SNTB1: variants seen among roughly 807,000 people sequenced by gnomAD.
SNTB1 encodes syntrophin beta 1, also known as beta-1-syntrophin.
Under a neutral mutation model 48.9 loss-of-function variants are expected in SNTB1, and 36 were observed. The observed-to-expected ratio is 0.74, with a 90% CI of 0.56 to 0.97. The LOEUF is 0.97. Ranked by LOEUF, SNTB1 falls within the 50% of genes least tolerant of loss-of-function variation. The probability of loss-of-function intolerance (pLI) is 0.00; values close to 1 mark genes in which losing one functional copy is unlikely to be tolerated. For synonymous variants in SNTB1, 299 were observed against 294.6 expected, an observed-to-expected ratio of 1.01 and a Z score of -0.15; for missense variants, 786 against 703.4, an observed-to-expected ratio of 1.12 and a Z score of -1.33.
chr8:120,772,250 CT>C lies in SNTB1; in HGVS notation c.571+39022del, dbSNP rs1288097097. 2.9e-3 allele frequency among the ~76,000 whole-genome samples: 408 copies of C among 141,222 alleles called. 2 individuals carry two copies. The highest frequency in any genetic ancestry group is 5.2e-3 in the South Asian group (23 of 4,388). 92.6% of individuals were successfully genotyped at this position (141,222 alleles called of 152,430 possible). ...GGTTAGGGTCACACAATTTTTTCTT[CT>C]TTTTTTTTTTTTGAGACAGAGTCTC... On this transcript the variant is annotated intron_variant, in intron 1 of 6. Coordinates refer to ENST00000517992, the MANE Select transcript of SNTB1 (RefSeq NM_021021.4).
At position 120,632,524 on chromosome 8, in the gene SNTB1, C is replaced by G; in HGVS notation, c.916G>C (p.Ala306Pro). 6.2e-7 allele frequency: 1 copy of G among 1,614,158 alleles called. No homozygotes were observed. Residue 306 changes from alanine to proline, a missense_variant, in exon 3 of 7, where the codon GCT (alanine) becomes CCT (proline). By Grantham distance (27) the Ala-to-Pro change is conservative (BLOSUM62 -1). Transcript: ENST00000517992. ...TTCCCCAGCTGCTCTCTGACCTCAG[C>G]AATCACTCGGGTCAGCAGGTCATTA... ...NVNDLLTRVI[A>P]EVREQLGKTG... is the part of the protein sequence containing the mutation.
chr8:120,557,124 C>A (rs1315365527), intron 4 of SNTB1, among the ~76,000 whole-genome samples: 2 of 152,070 alleles, frequency 1.3e-5, no homozygotes, highest in African/African-American at 4.8e-5. Context: ...GGAAAGGTTT[C>A]CTAACAATGC....
At chr8:120,609,113 A>C (rs1816574592) in intron 3 of SNTB1, among the ~76,000 whole-genome samples, 1 of 152,250 alleles carries the variant, frequency 6.6e-6, no homozygotes, top group African/African-American at 2.4e-5. Context: ...TGACTACTAA[A>C]AGAGCAGATA....
intron 2 of SNTB1, among the ~76,000 whole-genome samples, chr8:120,658,856 G>A (rs996020909): frequency 2.0e-5 from 3 of 152,128 alleles, no homozygotes; most frequent in Non-Finnish European, 4.4e-5. Flanking sequence ...TTTGCAGCAT[G>A]TGATGCTATT....
chr8:120,575,061 A>G (rs370175109), intron 4 of SNTB1, 25 bp downstream of exon 4: 70 of 1,614,012 alleles, frequency 4.3e-5, no homozygotes, highest in Non-Finnish European at 5.8e-5. Flanking sequence ...CAAACACATC[A>G]TACCAAACAC....
At chr8:120,720,901 T>C (rs1818648760) in intron 1 of SNTB1, among the ~76,000 whole-genome samples, 1 of 152,150 alleles carries the variant, frequency 6.6e-6, no homozygotes, top group Non-Finnish European at 1.5e-5. Context: ...AACAAGTCTT[T>C]TCCAAGAGCC....
chr8:120,798,019 A>G (rs1041722399), intron 1 of SNTB1, among the ~76,000 whole-genome samples: 6 of 152,136 alleles, frequency 3.9e-5, no homozygotes, highest in Admixed American at 3.3e-4. Context: ...AAAATGTCTT[A>G]TGTTTGCTAC....
chr8:120,616,809 G>T (rs1475422490), intron 3 of SNTB1, among the ~76,000 whole-genome samples: 1 of 152,188 alleles, frequency 6.6e-6, no homozygotes, highest in Non-Finnish European at 1.5e-5. Context: ...TATTCTCAAT[G>T]ATCACATCTT....
intron 3 of SNTB1, among the ~76,000 whole-genome samples, chr8:120,576,284 G>A (rs916254811): frequency 5.9e-4 from 90 of 152,154 alleles, no homozygotes; most frequent in African/African-American, 1.9e-3. Flanking sequence ...GTCATAATAA[G>A]TCACAACTCA....
chr8:120,751,343 TG>T (rs970301383), intron 1 of SNTB1, among the ~76,000 whole-genome samples: 2 of 152,166 alleles, frequency 1.3e-5, no homozygotes, highest in Admixed American at 1.3e-4. Context: ...ACACGACAAC[TG>T]GGTAGAGGAT....
intron 1 of SNTB1, chr8:120,765,957 AC>A (rs1819515363): frequency 6.6e-6 from 1 of 152,176 alleles, no homozygotes; most frequent in Non-Finnish European, 1.5e-5. Flanking sequence ...ATGTAAGAAA[AC>A]AAACCCCTAA....
chr8:120,718,283 C>T (rs781345138), intron 1 of SNTB1, among the ~76,000 whole-genome samples: 5 of 152,212 alleles, frequency 3.3e-5, no homozygotes, highest in African/African-American at 4.8e-5. Flanking sequence ...CCTCTAGGCT[C>T]CAGGAGGGCA....
At chr8:120,748,415 G>A (rs1189538721) in intron 1 of SNTB1, among the ~76,000 whole-genome samples, 1 of 152,098 alleles carries the variant, frequency 6.6e-6, no homozygotes, top group Non-Finnish European at 1.5e-5. Context: ...TCAATACAAA[G>A]GATCTGTTTT....
chr8:120,595,478 A>G (rs1175893370), intron 3 of SNTB1, among the ~76,000 whole-genome samples: 1 of 152,130 alleles, frequency 6.6e-6, no homozygotes, highest in Non-Finnish European at 1.5e-5. Flanking sequence ...GGCATGAATA[A>G]TCCACCCCTT....
At chr8:120,548,644 TTCTGGAATTTTA>T in intron 5 of SNTB1, 106 bp downstream of exon 5, 1 of 832,180 alleles carries the variant, frequency 1.2e-6, no homozygotes, top group African/African-American at 1.7e-5. Flanking sequence ...TTAAATTTGC[TTCTGGAATTTTA>T]ACTATCCCCA....
chr8:120,632,161 G>A (rs1244723117), intron 3 of SNTB1, among the ~76,000 whole-genome samples: 2 of 152,146 alleles, frequency 1.3e-5, no homozygotes, highest in Non-Finnish European at 2.9e-5. Context: ...ATACATAGAT[G>A]TTAAAATAGG....
chr8:120,598,043 G>C (rs1189788468), intron 3 of SNTB1, among the ~76,000 whole-genome samples: 2 of 152,198 alleles, frequency 1.3e-5, no homozygotes, highest in African/African-American at 4.8e-5. Flanking sequence ...TTGGGGATGG[G>C]AAGATGCTTT....
At position 120,537,654 on chromosome 8, in the gene SNTB1, G is replaced by A. The variant is rs1453943770; in HGVS notation, c.*1223C>T. ...CCTAGAGCTCATTTTCAAGGTTTGA[G>A]AAAAGTGACTTCAAAATCAATAGGT... On this transcript the variant is annotated 3_prime_UTR_variant, in exon 7 of 7. Coordinates refer to ENST00000517992, the MANE Select transcript of SNTB1 (RefSeq NM_021021.4). 6.6e-6 allele frequency: 1 copy of A among 152,202 alleles called. No homozygotes were observed. The highest frequency in any genetic ancestry group is 1.5e-5 in the Non-Finnish European group (1 of 68,032). The allele number at this position is 152,202 out of a possible 1,614,324, so 9.4% of individuals were successfully genotyped here. A position where few individuals can be genotyped will look rare whatever the true frequency, so the allele number is the denominator to read the frequency against.
chr8:120,637,570 A>G (rs1411065666), intron 2 of SNTB1: 1 of 199,068 alleles, frequency 5.0e-6, no homozygotes, highest in Admixed American at 6.2e-5. Context: ...ATAATAACAC[A>G]AAGTGTTATG....
Sources: allele counts gnomAD v4.1 joint callset (sites outside exome capture counted in the v4.1 genomes callset), GRCh38; gene constraint gnomAD v4.1.1; transcripts MANE v1.5; gene names NCBI Gene and HGNC (gene_info 2026-07-23, HGNC 2026-07-21).